Variants in AEBP1 observed in about 807,000 individuals in gnomAD.
The protein encoded by AEBP1 is AE binding protein 1.
Under a neutral mutation model 116.5 loss-of-function variants are expected in AEBP1, and 69 were observed. The observed-to-expected ratio is 0.59, with a 90% confidence interval of 0.49 to 0.72. The LOEUF (loss-of-function observed/expected upper bound fraction) is 0.72. Among genes scored for constraint, AEBP1 ranks in the 30% least tolerant of loss-of-function variants. The pLI, the probability that AEBP1 is intolerant of heterozygous loss-of-function variation, is 0.00. For missense variants in AEBP1, 1,444 were observed against 1,557.5 expected, an observed-to-expected ratio of 0.93 and a Z score of 1.23; for synonymous variants, 627 against 627.3, an observed-to-expected ratio of 1.00 and a Z score of 0.01.
chr7:44,109,301 C>G lies in AEBP1; in HGVS notation c.1110C>G (p.Gly370=), dbSNP rs958515837. Residue 370 remains glycine, a synonymous_variant, in exon 9 of 21, where the codon GGC becomes GGG. Coordinates refer to ENST00000223357, the MANE Select transcript of AEBP1 (RefSeq NM_001129.5). Reference sequence around the variant, plus strand: ...CATTGTCCCTAGAGCCCCGAAAGGGCGAGGAGTTGGAGGAGGAGTGGACGC... The same window carrying G: ...CATTGTCCCTAGAGCCCCGAAAGGGGGAGGAGTTGGAGGAGGAGTGGACGC... ...KGKDHKEPRK[G]EELEEEWTPT... 6.3e-7 allele frequency: 1 copy of G among 1,597,318 alleles called. No homozygotes were observed. Among genetic ancestry groups the G allele is most frequent in the Admixed American group, 1.7e-5 (1 of 58,480 alleles).
chr7:44,114,227 T>C lies in AEBP1; in HGVS notation c.3443T>C (p.Val1148Ala), dbSNP rs1268520363. Residue 1148 changes from valine (V) to alanine (A), a missense_variant, in exon 21 of 21, where the codon GTA becomes GCA. Coordinates refer to ENST00000223357, the MANE Select transcript of AEBP1 (RefSeq NM_001129.5). ...GGCCAGGCATTCCCCTTCACAACAG[T>C]AGAGACCTACACAGTGAACTTTGGG... is the stretch of plus-strand genomic sequence containing the variant. ...ATGQAFPFTT[V>A]ETYTVNFGDF The C allele has an allele frequency of 1.9e-6, 3 of 1,605,358 alleles. No individual in the cohort carries two copies. The highest frequency in any genetic ancestry group is 2.7e-5 in the African/African-American group (2 of 72,850).
rs763164396 is a variant in AEBP1 at position 44,112,613 on chromosome 7, T to C, written c.2273T>C (p.Leu758Pro). 6.2e-7 allele frequency: 1 copy of C among 1,608,668 alleles called. No homozygotes were observed. Among genetic ancestry groups the C allele is most frequent in the Non-Finnish European group, 8.5e-7 (1 of 1,176,060 alleles). Residue 758 changes from leucine to proline, a missense_variant, in exon 18 of 21, where the codon CTG becomes CCG. Transcript: ENST00000223357. The surrounding 1 kb of genome is among the most constrained non-coding windows in gnomAD (Gnocchi z 6.6). Reference protein sequence around the residue: ...IAWMEKNPFVLGANLNGGERL... With the variant: ...IAWMEKNPFVPGANLNGGERL... ...TGGATGGAGAAGAACCCCTTCGTGC[T>C]GGGAGCAAATCTGAACGGCGGCGAG...
In AEBP1 at chr7:44,108,087, G is replaced by A. The variant is rs1214078187; in HGVS notation, c.940+3G>A. 1 of 1,597,872 alleles carries A rather than the reference G, an allele frequency of 6.3e-7. No individual in the cohort carries two copies. Among genetic ancestry groups the A allele is most frequent in the African/African-American group, 1.3e-5 (1 of 74,514 alleles). ...CGTGATCCCCAACTACGATGACAGTGAGTACCCAGCACCCCAGAGTCTGAG... is the reference window on the plus strand; with the variant it reads ...CGTGATCCCCAACTACGATGACAGTAAGTACCCAGCACCCCAGAGTCTGAG... On this transcript the variant is annotated splice_donor_region_variant and intron_variant, in intron 6 of 20. Coordinates refer to ENST00000223357, the MANE Select transcript of AEBP1 (RefSeq NM_001129.5). This position sits in a 1 kb window ranked among gnomAD's most constrained non-coding sequence, Gnocchi z 5.0.
Position 44,109,900 on chromosome 7 carries a change from G to A in AEBP1, c.1151-115G>A, listed in dbSNP as rs1199527960. On this transcript the variant is annotated intron_variant, in intron 9 of 20. Transcript: ENST00000223357. ...AGGGAGCCACCAGCTGACCAGAGCT[G>A]CCCTCTGACTGTGCCCCCGATGTGC... 13 of 926,028 alleles carry A rather than the reference G, an allele frequency of 1.4e-5. 1 individual carries two copies. Among genetic ancestry groups the A allele is most frequent in the Non-Finnish European group, 2.1e-5 (13 of 609,414 alleles). The allele number at this position is 926,028 out of a possible 1,614,324, so 57.4% of individuals were successfully genotyped here.
In AEBP1 at chr7:44,108,643, C is replaced by T. The variant is rs1406714602; in HGVS notation, c.941-256C>T. On this transcript the variant is annotated intron_variant, in intron 6 of 20. Coordinates refer to ENST00000223357, the MANE Select transcript of AEBP1 (RefSeq NM_001129.5). This position sits in a 1 kb window ranked among gnomAD's most constrained non-coding sequence, Gnocchi z 5.0. ...TTGTCCCTCCAGGCCTTTCCCATGC[C>T]CTGGGCCTCGAGTCCTTTCCCCAGG... Among the ~76,000 whole-genome samples the T allele has an allele frequency of 2.6e-5, 4 of 152,192 alleles. No individual in the cohort carries two copies. The highest frequency in any genetic ancestry group is 5.9e-5 in the Non-Finnish European group (4 of 68,030).
intron 1 of AEBP1, among the ~76,000 whole-genome samples, chr7:44,105,691 A>G (rs894666322): frequency 4.6e-5 from 7 of 152,020 alleles, no homozygotes; most frequent in Non-Finnish European, 7.4e-5. Flanking sequence ...CTCTCCTTCC[A>G]GGCTTGCTCT....
intron 2 of AEBP1, 111 bp downstream of exon 2, chr7:44,106,998 C>T (rs1480315723): frequency 3.8e-6 from 3 of 796,766 alleles, no homozygotes; most frequent in East Asian, 5.4e-5. Flanking sequence ...CTTCAGCTCC[C>T]CACTGGATGG....
At position 44,107,006 on chromosome 7, in the gene AEBP1, T is replaced by TG. The variant is rs1212192119; in HGVS notation, c.595+122dup. 1 of 749,278 alleles carries TG rather than the reference T, an allele frequency of 1.3e-6. No individual in the cohort carries two copies. Among genetic ancestry groups the TG allele is most frequent in the Non-Finnish European group, 2.1e-6 (1 of 470,486 alleles). The allele number at this position is 749,278 out of a possible 1,614,324, so 46.4% of individuals were successfully genotyped here. ...TATAGACCTTCAGCTCCCCACTGGA[T>TG]GGGAACCTCACTTTTGCTATAAATT... On this transcript the variant is annotated intron_variant, in intron 2 of 20. Transcript: ENST00000223357. This position sits in a 1 kb window ranked among gnomAD's most constrained non-coding sequence, Gnocchi z 4.3.
At position 44,111,316 on chromosome 7, in the gene AEBP1, A is replaced by C. The variant is rs1242552884; in HGVS notation, c.1716+77A>C. 1 of 1,434,634 alleles carries C rather than the reference A, an allele frequency of 7.0e-7. No homozygotes were observed. Among genetic ancestry groups the C allele is most frequent in the Non-Finnish European group, 9.2e-7 (1 of 1,081,408 alleles). The allele number at this position is 1,434,634 out of a possible 1,614,324, so 88.9% of individuals were successfully genotyped here. A position where few individuals can be genotyped will look rare whatever the true frequency, so the allele number is the denominator to read the frequency against. On this transcript the variant is annotated intron_variant, in intron 14 of 20. Transcript: ENST00000223357. The surrounding 1 kb of genome is among the most constrained non-coding windows in gnomAD (Gnocchi z 4.7). ...GGAGTGTGTGCCTGGTGCTTCTGTC[A>C]CTGGGCCCAGTCCCTACTGGTTCCA...
chr7:44,112,517 C>CG lies in AEBP1; in HGVS notation c.2218-39dup. 1.5e-6 allele frequency: 2 copies of CG among 1,362,204 alleles called. No individual in the cohort carries two copies. Among genetic ancestry groups the CG allele is most frequent in the South Asian group, 1.3e-5 (1 of 74,244 alleles). The allele number at this position is 1,362,204 out of a possible 1,614,324, so 84.4% of individuals were successfully genotyped here. On this transcript the variant is annotated intron_variant, in intron 17 of 20. Transcript: ENST00000223357. This position sits in a 1 kb window ranked among gnomAD's most constrained non-coding sequence, Gnocchi z 6.6. ...ATCGGGCTAGGTTGGGGATAGTGGCCGGAGCTGCAGCCCTGGCCTCACACG... is the reference window on the plus strand; with the variant it reads ...ATCGGGCTAGGTTGGGGATAGTGGCCGGGAGCTGCAGCCCTGGCCTCACACG...
At position 44,112,319 on chromosome 7, in the gene AEBP1, ACGG is replaced by A; in HGVS notation, c.2216_2217+1del. On this transcript the variant is annotated splice_donor_variant and coding_sequence_variant, in exon 17 of 21. Transcript: ENST00000223357. LOFTEE classifies it high-confidence loss of function. This position sits in a 1 kb window ranked among gnomAD's most constrained non-coding sequence, Gnocchi z 6.6. The stretch of plus-strand genomic sequence containing the variant: ...TGAACGCTACCTTTCGCCAGATGCC[ACGG>A]TGAGGCTACAGCCTGGCTGAAAGGG... 1.9e-6 allele frequency: 3 copies of A among 1,545,266 alleles called. No homozygotes were observed. The highest frequency in any genetic ancestry group is 1.7e-6 in the Non-Finnish European group (2 of 1,143,238).
In AEBP1 at chr7:44,110,380, G is replaced by A. The variant is rs771364283; in HGVS notation, c.1400+34G>A. On this transcript the variant is annotated intron_variant, in intron 11 of 20. Coordinates refer to ENST00000223357, the MANE Select transcript of AEBP1 (RefSeq NM_001129.5). ...CCAGGCTCATGGATAGTTGGCAGAGGGGAGTGGCTACATAGGCATGGCTCT... is the reference window on the plus strand; with the variant it reads ...CCAGGCTCATGGATAGTTGGCAGAGAGGAGTGGCTACATAGGCATGGCTCT... 10 of 1,612,984 alleles carry A rather than the reference G, an allele frequency of 6.2e-6. No individual in the cohort carries two copies. The East Asian group carries it at 2.2e-4, about 36-fold the overall frequency.
chr7:44,110,466 G>C (rs2096228022), intron 11 of AEBP1, 120 bp downstream of exon 11: 1 of 1,443,936 alleles, frequency 6.9e-7, no homozygotes, highest in Admixed American at 2.1e-5. Context: ...AGGCCAAAAA[G>C]ATCAGTGAGG....
chr7:44,107,544 AG>A lies in AEBP1; in HGVS notation c.667+35del, dbSNP rs1375850727. 1.9e-6 allele frequency: 3 copies of A among 1,613,378 alleles called. No individual in the cohort carries two copies. Among genetic ancestry groups the A allele is most frequent in the Non-Finnish European group, 2.5e-6 (3 of 1,179,888 alleles). Reference sequence around the variant, plus strand: ...CCGTCATCCGCCTGGCCTTGGGGCCAGCTGCCCTGGCTGGTTGGACTGAGGG... The same window carrying A: ...CCGTCATCCGCCTGGCCTTGGGGCCACTGCCCTGGCTGGTTGGACTGAGGG... On this transcript the variant is annotated intron_variant, in intron 3 of 20. Transcript: ENST00000223357. This position sits in a 1 kb window ranked among gnomAD's most constrained non-coding sequence, Gnocchi z 4.3.
In AEBP1 at chr7:44,107,520, C is replaced by G. The variant is rs374348558; in HGVS notation, c.667+10C>G. 5 of 1,613,286 alleles carry G rather than the reference C, an allele frequency of 3.1e-6. No homozygotes were observed. On this transcript the variant is annotated intron_variant, in intron 3 of 20. Coordinates refer to ENST00000223357, the MANE Select transcript of AEBP1 (RefSeq NM_001129.5). The surrounding 1 kb of genome is among the most constrained non-coding windows in gnomAD (Gnocchi z 4.3). ...CGGGAGCACCAGCCTGGTGAGTGGCCGTCATCCGCCTGGCCTTGGGGCCAG... is the reference window on the plus strand; with the variant it reads ...CGGGAGCACCAGCCTGGTGAGTGGCGGTCATCCGCCTGGCCTTGGGGCCAG...
chr7:44,109,701 C>T (rs565921829), intron 9 of AEBP1: 24 of 562,336 alleles, frequency 4.3e-5, no homozygotes, highest in East Asian at 2.7e-4. Context: ...TCTGTGGCTG[C>T]GCCCTGGGGG....
chr7:44,106,284 G>A (rs539434338), intron 1 of AEBP1: 60 of 645,774 alleles, frequency 9.3e-5, no homozygotes, highest in South Asian at 7.5e-4. Flanking sequence ...GGGGATGAGG[G>A]CCTCCCCCTG....
At position 44,114,168 on chromosome 7, in the gene AEBP1, G is replaced by A. The variant is rs913206509; in HGVS notation, c.3384G>A (p.Glu1128=). Residue 1128 remains glutamate (E), a synonymous_variant, in exon 21 of 21, where the codon GAG becomes GAA. Coordinates refer to ENST00000223357, the MANE Select transcript of AEBP1 (RefSeq NM_001129.5). ...AGCTGGAACCCGAGTTTGAGGAAGAGGAGGAGGAGGAGAAAGAGGAGGAGA... is the reference window on the plus strand; with the variant it reads ...AGCTGGAACCCGAGTTTGAGGAAGAAGAGGAGGAGGAGAAAGAGGAGGAGA... ...ETQLEPEFEE[E]EEEEKEEEIA... 7 of 1,610,158 alleles carry A rather than the reference G, an allele frequency of 4.3e-6. No individual in the cohort carries two copies. Among genetic ancestry groups the A allele is most frequent in the Non-Finnish European group, 5.9e-6 (7 of 1,176,774 alleles).
intron 9 of AEBP1, 171 bp from the exon 10 acceptor site, chr7:44,109,844 G>T: frequency 1.6e-6 from 1 of 631,198 alleles, no homozygotes. Context: ...CTGGCTTTGA[G>T]TCGATTCCAG....
Sources: allele counts gnomAD v4.1 joint callset (sites outside exome capture counted in the v4.1 genomes callset), GRCh38; gene constraint gnomAD v4.1.1; non-coding constraint Gnocchi (gnomAD v3.1); transcripts MANE v1.5; gene names NCBI Gene and HGNC (gene_info 2026-07-23, HGNC 2026-07-21).